SLC2A14: variants seen among roughly 807,000 people sequenced by gnomAD.
The protein encoded by SLC2A14 is solute carrier family 2 member 14, also known as solute carrier family 2, facilitated glucose transporter member 14.
Under a neutral mutation model 43.0 loss-of-function variants are expected in SLC2A14, and 13 were observed. The ratio of observed to expected loss-of-function variants is 0.30; its 90% CI spans 0.20 to 0.48. SLC2A14 has a LOEUF of 0.48. SLC2A14 is among the 20% of genes least tolerant of loss of function. The pLI, the probability that SLC2A14 is intolerant of heterozygous loss-of-function variation, is 0.99. For missense variants in SLC2A14, 428 were observed against 620.4 expected (o/e 0.69, Z 3.29); for synonymous variants, 190 against 233.8 (o/e 0.81, Z 1.71).
At chr12:7,837,963 G>A (rs1342019693) in intron 2 of SLC2A14, among the ~76,000 whole-genome samples, 1 of 151,898 alleles carries the variant, frequency 6.6e-6, no homozygotes, top group Non-Finnish European at 1.5e-5. Context: ...TTACCATATT[G>A]GTCAGTCTGG....
chr12:7,861,487 C>T (rs1944559145), intron 2 of SLC2A14, among the ~76,000 whole-genome samples: 1 of 151,954 alleles, frequency 6.6e-6, no homozygotes, highest in Non-Finnish European at 1.5e-5. Flanking sequence ...TTTCTAGGAA[C>T]GGTACTCTTG....
At chr12:7,888,674 T>G (rs961111876) in intron 1 of SLC2A14, among the ~76,000 whole-genome samples, 7 of 151,938 alleles carry the variant, frequency 4.6e-5, no homozygotes, top group Middle Eastern at 3.4e-3. Flanking sequence ...GGTGCATGCC[T>G]GTAGTCTCAG....
chr12:7,878,651 T>C (rs1304116457), intron 1 of SLC2A14, among the ~76,000 whole-genome samples: 4 of 151,992 alleles, frequency 2.6e-5, no homozygotes, highest in Non-Finnish European at 5.9e-5. Flanking sequence ...AAAAACATAG[T>C]GAAATATCTT....
At position 7,871,073 on chromosome 12, in the gene SLC2A14, T is replaced by A. The variant is rs747055695; in HGVS notation, c.-57-1136A>T. On this transcript the variant is annotated intron_variant, in intron 1 of 10. Coordinates refer to ENST00000431042, the MANE Select transcript of SLC2A14 (RefSeq NM_001286234.2). ...CCCATGGATGAATACCTGCAGGGCA[T>A]GATGAGCGAGGCCCCAGGGCCCATC... The A allele has an allele frequency of 5.0e-6, 7 of 1,391,348 alleles. No individual in the cohort carries two copies. In the Admixed American group the frequency reaches 1.2e-4, roughly 25 times the overall value. The allele number at this position is 1,391,348 out of a possible 1,614,324, so 86.2% of individuals were successfully genotyped here.
At chr12:7,823,841 A>G (rs1020341027) in intron 7 of SLC2A14, among the ~76,000 whole-genome samples, 2 of 152,212 alleles carry the variant, frequency 1.3e-5, no homozygotes, top group African/African-American at 4.8e-5. Context: ...CCTCCATAGC[A>G]ATATTTATTA....
At chr12:7,840,052 C>A (rs1289451477) in intron 2 of SLC2A14, 2 of 311,714 alleles carry the variant, frequency 6.4e-6, no homozygotes, top group South Asian at 2.4e-5. Context: ...GTCAAGCCTG[C>A]AGTGAGCTAT....
chr12:7,829,074 G>A lies in SLC2A14; in HGVS notation c.514-208C>T, dbSNP rs547808124. Reference sequence around the variant, plus strand: ...CTAAAAATACAAAAATTAGCCAGGCGTGATGGTGGGCACCTGCAATCCCAG... The same window carrying A: ...CTAAAAATACAAAAATTAGCCAGGCATGATGGTGGGCACCTGCAATCCCAG... On this transcript the variant is annotated intron_variant, in intron 5 of 10. Transcript: ENST00000431042. 1.5e-4 allele frequency among the ~76,000 whole-genome samples: 23 copies of A among 151,978 alleles called. 1 individual carries two copies. Among genetic ancestry groups the A allele is most frequent in the East Asian group, 3.9e-4 (2 of 5,164 alleles).
At chr12:7,848,847 C>T (rs894789394) in intron 2 of SLC2A14, among the ~76,000 whole-genome samples, 17 of 151,620 alleles carry the variant, frequency 1.1e-4, no homozygotes, top group Admixed American at 5.9e-4. Flanking sequence ...TGAGCCACCG[C>T]GCCCGGCCTC....
chr12:7,834,014 A>G (rs1262458567), intron 2 of SLC2A14, among the ~76,000 whole-genome samples: 2 of 150,956 alleles, frequency 1.3e-5, no homozygotes, highest in Non-Finnish European at 3.0e-5. Flanking sequence ...AGGGTAGACC[A>G]CAGGCTGAAA....
chr12:7,829,870 C>G lies in SLC2A14; in HGVS notation c.409G>C (p.Gly137Arg), dbSNP rs1318666973. 2 of 1,614,174 alleles carry G rather than the reference C, an allele frequency of 1.2e-6. No homozygotes were observed. The highest frequency in any genetic ancestry group is 1.7e-6 in the Non-Finnish European group (2 of 1,180,036). Reference sequence around the variant, plus strand: ...TCTCCAATGTACATGGGCACAAAACCTGTGCAGAGTCCGCAGAAGAGGCCA... The same window carrying G: ...TCTCCAATGTACATGGGCACAAAACGTGTGCAGAGTCCGCAGAAGAGGCCA... ...VIGLFCGLCT[G>R]FVPMYIGEIS... Residue 137 changes from glycine to arginine, a missense_variant, in exon 5 of 11, where the codon GGT (glycine) becomes CGT (arginine). Physicochemically the swap from Gly to Arg is moderately radical, Grantham distance 125 (BLOSUM62 -2). This residue lies in a region of SLC2A14 where 185 missense variants were observed against 275.4 expected (regional missense o/e 0.67). Transcript: ENST00000431042.
chr12:7,816,097 T>A lies in SLC2A14; in HGVS notation c.1276-1563A>T, dbSNP rs1296662427. On this transcript the variant is annotated intron_variant, in intron 10 of 10. Transcript: ENST00000431042. ...TTGAATTTTTATTTTTTATTTTTTT[T>A]ATTTTTTTTATTTTTTTTGAGACGG... is the stretch of plus-strand genomic sequence containing the variant. 2.3e-4 allele frequency among the ~76,000 whole-genome samples: 25 copies of A among 106,794 alleles called. 6 individuals carry two copies. The Admixed American group carries it at 2.6e-3, about 11-fold the overall frequency. 70.1% of individuals were successfully genotyped at this position (106,794 alleles called of 152,430 possible). A position where few individuals can be genotyped will look rare whatever the true frequency, so the allele number is the denominator to read the frequency against.
chr12:7,843,927 G>T (rs762415838), intron 2 of SLC2A14, among the ~76,000 whole-genome samples: 9 of 150,322 alleles, frequency 6.0e-5, no homozygotes, highest in Non-Finnish European at 8.9e-5. Flanking sequence ...AGTGGTGATA[G>T]AATTGAGGGT....
At chr12:7,870,795 A>G in intron 1 of SLC2A14, 1 of 981,896 alleles carries the variant, frequency 1.0e-6, no homozygotes, top group Non-Finnish European at 1.3e-6. Context: ...AAAGTAAAGT[A>G]GTATGGTCAG....
intron 2 of SLC2A14, among the ~76,000 whole-genome samples, chr12:7,842,378 T>G (rs111751943): frequency 5.9e-5 from 9 of 152,122 alleles, no homozygotes; most frequent in East Asian, 1.9e-4. Context: ...TCAACTCATT[T>G]ATGTAAGTAC....
chr12:7,885,371 G>A (rs771374263), intron 1 of SLC2A14, among the ~76,000 whole-genome samples: 1 of 152,052 alleles, frequency 6.6e-6, no homozygotes, highest in African/African-American at 2.4e-5. Flanking sequence ...ACGCTGAGGC[G>A]GGAGAATCGC....
At chr12:7,821,364 G>A (rs375025926) in intron 7 of SLC2A14, 39 bp from the exon 8 acceptor site, 3 of 1,538,538 alleles carry the variant, frequency 1.9e-6, no homozygotes, top group Non-Finnish European at 2.7e-6. Flanking sequence ...ATAAAATTCT[G>A]CACACCACTT....
At chr12:7,833,794 AAAG>A (rs1865223508) in intron 2 of SLC2A14, among the ~76,000 whole-genome samples, 1 of 97,950 alleles carries the variant, frequency 1.0e-5, no homozygotes, top group East Asian at 2.7e-4. Flanking sequence ...AAAAAAAAAA[AAAG>A]AGAGAGAGAG....
chr12:7,836,615 C>T (rs764887574), intron 2 of SLC2A14, among the ~76,000 whole-genome samples: 1 of 151,978 alleles, frequency 6.6e-6, no homozygotes, highest in East Asian at 2.0e-4. Flanking sequence ...GGATGGATCA[C>T]TTCAGTTCAG....
intron 1 of SLC2A14, among the ~76,000 whole-genome samples, chr12:7,887,257 G>A (rs944071395): frequency 1.3e-5 from 2 of 151,744 alleles, no homozygotes; most frequent in Non-Finnish European, 2.9e-5. Flanking sequence ...TAGAAGAGTA[G>A]TTCTTAAACA....
Sources: allele counts gnomAD v4.1 joint callset (sites outside exome capture counted in the v4.1 genomes callset), GRCh38; gene constraint gnomAD v4.1.1; regional missense constraint gnomAD v4.1.1; transcripts MANE v1.5; gene names NCBI Gene and HGNC (gene_info 2026-07-23, HGNC 2026-07-21).